KANK4: variants seen among roughly 807,000 people sequenced by gnomAD.
KANK4 encodes the protein KN motif and ankyrin repeat domains 4.
Under a neutral mutation model 80.8 loss-of-function variants are expected in KANK4, and 50 were observed. The ratio of observed to expected loss-of-function variants is 0.62; its 90% confidence interval spans 0.49 to 0.78. The LOEUF is 0.78. KANK4 is among the 30% of genes least tolerant of loss of function. KANK4 has a pLI of 0.00. For synonymous variants in KANK4, 465 were observed against 506.9 expected (o/e 0.92, Z 1.11); for missense variants, 1,196 against 1,240.1 (o/e 0.96, Z 0.53).
intron 1 of KANK4, among the ~76,000 whole-genome samples, chr1:62,303,280 C>T (rs1437564204): frequency 6.6e-6 from 1 of 151,894 alleles, no homozygotes; most frequent in African/African-American, 2.4e-5. Flanking sequence ...AAAGTTTAAT[C>T]CAGGATGGGG....
chr1:62,262,576 A>AT (rs1175527609), intron 7 of KANK4, among the ~76,000 whole-genome samples: 3 of 151,994 alleles, frequency 2.0e-5, no homozygotes, highest in Non-Finnish European at 4.4e-5. Context: ...TTATATATAT[A>AT]AAAAATAAAT....
chr1:62,303,662 C>T (rs1644429610), intron 1 of KANK4, among the ~76,000 whole-genome samples: 1 of 151,862 alleles, frequency 6.6e-6, no homozygotes, highest in South Asian at 2.1e-4. Context: ...TTAAAATGTG[C>T]TGTAAGTGTA....
At chr1:62,269,873 G>C (rs1672119392) in intron 4 of KANK4, among the ~76,000 whole-genome samples, 1 of 152,218 alleles carries the variant, frequency 6.6e-6, no homozygotes, top group East Asian at 1.9e-4. Context: ...TGGTACATTA[G>C]AATCATTTGA....
rs550613995 is a variant in KANK4, at chr1:62,299,049, C to T, written c.-70-17415G>A. On this transcript the variant is annotated intron_variant, in intron 1 of 9. Transcript: ENST00000371153. ...CTAGGGATGAATTTAGGTGTTCCTGCCCAAGATTTTTTTTTTTAAGACAGT... is the reference window on the plus strand; with the variant it reads ...CTAGGGATGAATTTAGGTGTTCCTGTCCAAGATTTTTTTTTTTAAGACAGT... Among the ~76,000 whole-genome samples the T allele has an allele frequency of 2.6e-4, 40 of 151,434 alleles. No individual in the cohort carries two copies. The South Asian group carries it at 4.0e-3, about 15-fold the overall frequency.
chr1:62,307,935 C>G lies in KANK4; in HGVS notation c.-71+11171G>C, dbSNP rs527425399. ...GGCCCTGAAGGCTGTCTCTGCATAC[C>G]TCTCTAGCCTCATCTCCAATTCCTC... On this transcript the variant is annotated intron_variant, in intron 1 of 9. Coordinates refer to ENST00000371153, the MANE Select transcript of KANK4 (RefSeq NM_181712.5). 1.4e-4 allele frequency among the ~76,000 whole-genome samples: 21 copies of G among 152,290 alleles called. No individual in the cohort carries two copies. In the East Asian group the frequency reaches 4.1e-3, roughly 29 times the overall value.
chr1:62,251,579 G>C (rs1430170925), intron 8 of KANK4, among the ~76,000 whole-genome samples: 7 of 152,162 alleles, frequency 4.6e-5, no homozygotes, highest in African/African-American at 2.4e-5. Context: ...CCCCCACCCT[G>C]TGTTCTCAAG....
intron 7 of KANK4, among the ~76,000 whole-genome samples, chr1:62,255,014 T>C (rs919987267): frequency 4.0e-5 from 6 of 149,854 alleles, no homozygotes; most frequent in Non-Finnish European, 8.9e-5. Flanking sequence ...GCCTCCTGAG[T>C]AGCTGGGATT....
At chr1:62,258,223 C>G (rs947158239) in intron 7 of KANK4, among the ~76,000 whole-genome samples, 2 of 152,156 alleles carry the variant, frequency 1.3e-5, no homozygotes, top group Non-Finnish European at 2.9e-5. Flanking sequence ...TTGTACATGA[C>G]AGTGTATATG....
chr1:62,271,907 T>C (rs2149140670), intron 3 of KANK4: 2 of 307,644 alleles, frequency 6.5e-6, no homozygotes, highest in Admixed American at 4.0e-5. Context: ...AATGGGAGTG[T>C]AGGAGCAGAA....
chr1:62,318,598 C>T (rs1644561937), intron 1 of KANK4, among the ~76,000 whole-genome samples: 1 of 152,156 alleles, frequency 6.6e-6, no homozygotes, highest in African/African-American at 2.4e-5. Context: ...GTTGGCACTA[C>T]GGGGAGACTT....
At chr1:62,247,421 T>C in intron 9 of KANK4, 51 bp downstream of exon 9, 1 of 1,554,790 alleles carries the variant, frequency 6.4e-7, no homozygotes, top group Non-Finnish European at 8.8e-7. Context: ...GTTACAGGTA[T>C]GAGCCACCCT....
rs190767245 is a variant in KANK4 at position 62,283,525 on chromosome 1, G to A, written c.-70-1891C>T. 3.1e-4 allele frequency among the ~76,000 whole-genome samples: 47 copies of A among 152,256 alleles called. No individual in the cohort carries two copies. In the East Asian group the frequency reaches 3.1e-3, roughly 10 times the overall value. ...CCTTTGTCCACCCTGTAAGTCAGCC[G>A]GGTTCCCTGACACTATGACTGATCT... On this transcript the variant is annotated intron_variant, in intron 1 of 9. Transcript: ENST00000371153.
intron 8 of KANK4, among the ~76,000 whole-genome samples, chr1:62,248,561 G>A (rs1376429430): frequency 1.0e-5 from 1 of 95,340 alleles, no homozygotes; most frequent in African/African-American, 4.0e-5. Flanking sequence ...TTTTTTTTTT[G>A]TGAGACAAAG....
chr1:62,249,519 T>C (rs578259431), intron 8 of KANK4, among the ~76,000 whole-genome samples: 181 of 149,778 alleles, frequency 1.2e-3, no homozygotes, highest in Middle Eastern at 6.9e-3. Context: ...GCTGTGACCA[T>C]AGGCATGTGC....
intron 1 of KANK4, among the ~76,000 whole-genome samples, chr1:62,293,062 TTGTGTGTGTGTGTGTGTGTGTG>T (rs5774593): frequency 7.5e-5 from 11 of 146,766 alleles, no homozygotes; most frequent in Admixed American, 1.4e-4. Flanking sequence ...GTCTCAATCT[TTGTGTGTGTGTGTGTGTGTGTG>T]TGTGTGTGTG....
chr1:62,293,347 G>A (rs535777116), intron 1 of KANK4, among the ~76,000 whole-genome samples: 1 of 151,966 alleles, frequency 6.6e-6, no homozygotes, highest in South Asian at 2.1e-4. Context: ...TACCGGCCTC[G>A]GCTTCCCAAA....
At chr1:62,304,301 TG>T (rs1213076267) in intron 1 of KANK4, among the ~76,000 whole-genome samples, 1 of 152,060 alleles carries the variant, frequency 6.6e-6, no homozygotes, top group Non-Finnish European at 1.5e-5. Flanking sequence ...TTTGATTTGT[TG>T]GACATGGGAA....
At chr1:62,308,308 TA>T (rs1471688269) in intron 1 of KANK4, among the ~76,000 whole-genome samples, 1 of 152,170 alleles carries the variant, frequency 6.6e-6, no homozygotes, top group Non-Finnish European at 1.5e-5. Flanking sequence ...GAGAGGGGCC[TA>T]ATGACCTCCT....
At chr1:62,238,845 G>A (rs1251303950) in intron 9 of KANK4, among the ~76,000 whole-genome samples, 2 of 152,052 alleles carry the variant, frequency 1.3e-5, no homozygotes, top group Non-Finnish European at 2.9e-5. Flanking sequence ...GCCCAGGCTG[G>A]TCTCAAACTC....
Sources: allele counts gnomAD v4.1 joint callset (sites outside exome capture counted in the v4.1 genomes callset), GRCh38; gene constraint gnomAD v4.1.1; transcripts MANE v1.5; gene names NCBI Gene and HGNC (gene_info 2026-07-23, HGNC 2026-07-21).